ABCD2: variants seen among roughly 807,000 people sequenced by gnomAD.
ABCD2 encodes the protein ATP-binding cassette sub-family D member 2.
Under a neutral mutation model 70.9 loss-of-function variants are expected in ABCD2, and 36 were observed. The ratio of observed to expected loss-of-function variants is 0.51; its 90% CI spans 0.39 to 0.67. The LOEUF (loss-of-function observed/expected upper bound fraction) is 0.67, where lower values mean the gene tolerates loss of function less well. Among genes scored for constraint, ABCD2 ranks in the 30% least tolerant of loss-of-function variants. ABCD2 has a pLI of 0.00. For synonymous variants in ABCD2, 304 were observed against 306.9 expected (o/e 0.99, Z 0.10); for missense variants, 729 against 890.2 (o/e 0.82, Z 2.30).
rs1941087384 is a variant in ABCD2, at chr12:39,551,516, A to G, written c.*2396T>C. ...CCATTTGGAAACAATTGAATGGTAC[A>G]TAAATACAAGTTCAAATCAGAGATG... is the stretch of plus-strand genomic sequence containing the variant. On this transcript the variant is annotated 3_prime_UTR_variant, in exon 10 of 10. Coordinates refer to ENST00000308666, the MANE Select transcript of ABCD2 (RefSeq NM_005164.4). The G allele has an allele frequency of 6.6e-6, 1 of 151,818 alleles. No homozygotes were observed. The allele number at this position is 151,818 out of a possible 1,614,324, so 9.4% of individuals were successfully genotyped here.
chr12:39,533,836 T>C, the ABCD2 span, among the ~76,000 whole-genome samples: 2 of 152,208 alleles, frequency 1.3e-5, no homozygotes, highest in South Asian at 4.1e-4. Context: ...TGTAGTGTTT[T>C]ACCAAACACA....
Position 39,550,527 on chromosome 12 carries a change from GC to G in ABCD2, c.*3384del, listed in dbSNP as rs1232275931. On this transcript the variant is annotated 3_prime_UTR_variant, in exon 10 of 10. Coordinates refer to ENST00000308666, the MANE Select transcript of ABCD2 (RefSeq NM_005164.4). ...ATTTCACAATATGAAATGTAAACCA[GC>G]CCTGAACTTGGTAGTCAGGAAAAGC... 1.3e-5 allele frequency: 2 copies of G among 151,728 alleles called. No individual in the cohort carries two copies. The highest frequency in any genetic ancestry group is 6.6e-5 in the Admixed American group (1 of 15,214). The allele number at this position is 151,728 out of a possible 1,614,324, so 9.4% of individuals were successfully genotyped here. A position where few individuals can be genotyped will look rare whatever the true frequency, so the allele number is the denominator to read the frequency against.
At chr12:39,538,498 A>G in the ABCD2 span, among the ~76,000 whole-genome samples, 1 of 152,026 alleles carries the variant, frequency 6.6e-6, no homozygotes, top group Non-Finnish European at 1.5e-5. Flanking sequence ...TTGTTGCTTC[A>G]TTCTTTCCTT....
At chr12:39,577,438 T>C (rs7310178) in intron 8 of ABCD2, among the ~76,000 whole-genome samples, 17,388 of 152,190 alleles carry the variant, frequency 0.11, 1,009 homozygotes, top group East Asian at 0.16. Flanking sequence ...GAGGTAAATC[T>C]AGAATAGGCA....
the ABCD2 span, among the ~76,000 whole-genome samples, chr12:39,534,888 GAAAGAAAGAAAGAAAGAAA>G: frequency 5.8e-4 from 2 of 3,456 alleles, no homozygotes; most frequent in South Asian, 0.011. Flanking sequence ...AGGAAGGAAA[GAAAGAAAGAAAGAAAGAAA>G]GAAAGAAAGA....
At chr12:39,542,549 G>A in the ABCD2 span, among the ~76,000 whole-genome samples, 1 of 152,060 alleles carries the variant, frequency 6.6e-6, no homozygotes, top group Non-Finnish European at 1.5e-5. Flanking sequence ...GTCCAGGTCA[G>A]AGAAAACAGT....
At chr12:39,570,241 A>C (rs1941427764) in intron 9 of ABCD2, among the ~76,000 whole-genome samples, 1 of 152,238 alleles carries the variant, frequency 6.6e-6, no homozygotes, top group African/African-American at 2.4e-5. Flanking sequence ...AAAATTCTAA[A>C]ATTTGTGTGC....
chr12:39,613,385 CAAAAAAAAAAAA>C (rs71075064), intron 2 of ABCD2, among the ~76,000 whole-genome samples: 2 of 23,612 alleles, frequency 8.5e-5, no homozygotes, highest in African/African-American at 6.2e-4. Flanking sequence ...GACTCCGTCT[CAAAAAAAAAAAA>C]AAAAAAAAAA....
intron 7 of ABCD2, among the ~76,000 whole-genome samples, chr12:39,581,701 G>A (rs1219300700): frequency 1.3e-5 from 2 of 152,136 alleles, no homozygotes; most frequent in Admixed American, 6.5e-5. Flanking sequence ...CAAGAGAAAA[G>A]TATTTGGGTC....
At chr12:39,555,941 CAT>C (rs749157671) in intron 9 of ABCD2, among the ~76,000 whole-genome samples, 1 of 152,196 alleles carries the variant, frequency 6.6e-6, no homozygotes, top group Non-Finnish European at 1.5e-5. Flanking sequence ...GACACTGCAC[CAT>C]CCACCATCGT....
the ABCD2 span, among the ~76,000 whole-genome samples, chr12:39,544,593 G>A: frequency 1.3e-5 from 2 of 152,208 alleles, no homozygotes; most frequent in Non-Finnish European, 2.9e-5. Context: ...AGCTAAGTTA[G>A]ATCTCTTTCA....
At chr12:39,545,093 C>G (rs1218513171), downstream of ABCD2, among the ~76,000 whole-genome samples, 3 of 152,160 alleles carry the variant, frequency 2.0e-5, 1 homozygote, top group Admixed American at 2.0e-4. Context: ...ATTTTTGTCT[C>G]TCTAGTCCCC....
intron 9 of ABCD2, among the ~76,000 whole-genome samples, chr12:39,565,005 A>G (rs1941322191): frequency 6.6e-6 from 1 of 152,196 alleles, no homozygotes; most frequent in African/African-American, 2.4e-5. Flanking sequence ...TTTTGGTACT[A>G]GTACCATGCT....
chr12:39,572,568 CTCAGAG>C (rs1285239111), intron 9 of ABCD2, among the ~76,000 whole-genome samples: 7 of 152,116 alleles, frequency 4.6e-5, no homozygotes, highest in Non-Finnish European at 8.8e-5. Flanking sequence ...ATAAATGAAA[CTCAGAG>C]TCAAAGAATT....
At chr12:39,566,607 A>G (rs886639260) in intron 9 of ABCD2, among the ~76,000 whole-genome samples, 1 of 151,874 alleles carries the variant, frequency 6.6e-6, no homozygotes, top group East Asian at 1.9e-4. Context: ...TTTTTTTGAA[A>G]GGTTTTTTGT....
At chr12:39,560,851 A>G (rs1457421189) in intron 9 of ABCD2, among the ~76,000 whole-genome samples, 1 of 152,152 alleles carries the variant, frequency 6.6e-6, no homozygotes, top group African/African-American at 2.4e-5. Context: ...GTTTAACTAT[A>G]AGATGTTTTT....
At chr12:39,539,259 CA>C in the ABCD2 span, among the ~76,000 whole-genome samples, 2 of 152,202 alleles carry the variant, frequency 1.3e-5, no homozygotes, top group Non-Finnish European at 2.9e-5. Context: ...TTCTCATTTT[CA>C]TAGTTAGTAT....
At chr12:39,593,760 C>A (rs1027879208) in intron 6 of ABCD2, among the ~76,000 whole-genome samples, 2 of 152,094 alleles carry the variant, frequency 1.3e-5, no homozygotes, top group African/African-American at 4.8e-5. Flanking sequence ...AGCCATAATG[C>A]ATCCTGAAAA....
the ABCD2 span, among the ~76,000 whole-genome samples, chr12:39,543,637 G>A: frequency 6.6e-6 from 1 of 152,136 alleles, no homozygotes; most frequent in Non-Finnish European, 1.5e-5. Flanking sequence ...GTAACCAGTA[G>A]GATCTGTTGC....
Sources: allele counts gnomAD v4.1 joint callset (sites outside exome capture counted in the v4.1 genomes callset), GRCh38; gene constraint gnomAD v4.1.1; transcripts MANE v1.5; gene names NCBI Gene and HGNC (gene_info 2026-07-23, HGNC 2026-07-21).